Variants in C12orf42 observed in about 807,000 individuals in gnomAD.
C12orf42 encodes uncharacterized protein C12orf42.
A neutral mutation model predicts 21.6 loss-of-function variants in C12orf42; 25 were observed. That is an observed-to-expected ratio of 1.16 (90% confidence interval 0.84 to 1.62). The LOEUF (loss-of-function observed/expected upper bound fraction) is 1.62, where lower values mean the gene tolerates loss of function less well. Among genes scored for constraint, C12orf42 ranks in the 40% most tolerant of loss-of-function variants. The pLI, the probability that C12orf42 is intolerant of heterozygous loss-of-function variation, is 0.00. For missense variants in C12orf42, 483 were observed against 459.3 expected (o/e 1.05, Z -0.47); for synonymous variants, 174 against 175.0 (o/e 0.99, Z 0.05).
chr12:103,312,551 C>T (rs75666814), intron 4 of C12orf42, among the ~76,000 whole-genome samples: 9 of 152,160 alleles, frequency 5.9e-5, no homozygotes, highest in Non-Finnish European at 1.0e-4. Context: ...ATCTGCCTCT[C>T]GAGGACCAAC....
At chr12:103,507,236 TA>T in the C12orf42 span, among the ~76,000 whole-genome samples, 2 of 58,992 alleles carry the variant, frequency 3.4e-5, no homozygotes, top group Non-Finnish European at 5.2e-5. Context: ...TAAATATATA[TA>T]TATTATATAT....
In C12orf42 at chr12:103,275,539, G is replaced by T. The variant is rs185863748; in HGVS notation, n.398+1611C>A. On this transcript the variant is annotated intron_variant and non_coding_transcript_variant, in intron 5 of 6. Coordinates refer to the C12orf42 transcript ENST00000546526. ...AAGTAATCCTGACCTTAGATAAATT[G>T]CTCTATAACACAGAGAAATAAGAAA... is the stretch of plus-strand genomic sequence containing the variant. Among the ~76,000 whole-genome samples, 10 of 152,126 alleles carry T rather than the reference G, an allele frequency of 6.6e-5. No homozygotes were observed. The East Asian group carries it at 1.7e-3, about 27-fold the overall frequency.
the C12orf42 span, among the ~76,000 whole-genome samples, chr12:103,142,747 C>G: frequency 2.0e-5 from 3 of 152,144 alleles, no homozygotes; most frequent in Non-Finnish European, 4.4e-5. Flanking sequence ...CTATATGTCT[C>G]AAAGAGGGCT....
the C12orf42 span, among the ~76,000 whole-genome samples, chr12:103,073,233 C>A: frequency 5.9e-5 from 9 of 152,046 alleles, no homozygotes; most frequent in Non-Finnish European, 1.3e-4. Flanking sequence ...GGGTACTGGG[C>A]TTAATGCCTG....
At chr12:103,158,873 C>CAA in the C12orf42 span, among the ~76,000 whole-genome samples, 4,464 of 109,726 alleles carry the variant, frequency 0.041, 248 homozygotes, top group African/African-American at 0.13. Flanking sequence ...GAGCAAGACT[C>CAA]AAAAAAAAAA....
the C12orf42 span, among the ~76,000 whole-genome samples, chr12:103,207,454 G>T: frequency 6.6e-6 from 1 of 152,198 alleles, no homozygotes; most frequent in African/African-American, 2.4e-5. Flanking sequence ...ACACACGTGC[G>T]CGCGCACAGA....
the C12orf42 span, among the ~76,000 whole-genome samples, chr12:103,213,764 C>A: frequency 6.6e-6 from 1 of 152,206 alleles, no homozygotes; most frequent in Non-Finnish European, 1.5e-5. Context: ...CCGATTGCTG[C>A]AGTTCTACTG....
At chr12:103,388,362 G>C (rs1369874566) in intron 3 of C12orf42, among the ~76,000 whole-genome samples, 1 of 152,096 alleles carries the variant, frequency 6.6e-6, no homozygotes, top group Admixed American at 6.6e-5. Flanking sequence ...GGCTCCTATA[G>C]CATTCCTACA....
the C12orf42 span, among the ~76,000 whole-genome samples, chr12:103,542,054 T>A: frequency 6.6e-6 from 1 of 152,196 alleles, no homozygotes; most frequent in Non-Finnish European, 1.5e-5. Context: ...TAACAAAAAA[T>A]TGAGACAGGC....
At chr12:103,309,945 C>T (rs1052796235) in intron 4 of C12orf42, among the ~76,000 whole-genome samples, 1 of 152,154 alleles carries the variant, frequency 6.6e-6, no homozygotes, top group Non-Finnish European at 1.5e-5. Context: ...GTAGGGATAC[C>T]CTGGGGTGAT....
At chr12:103,506,015 G>C in the C12orf42 span, 1 of 207,336 alleles carries the variant, frequency 4.8e-6, no homozygotes, top group South Asian at 8.6e-5. Context: ...TTTGTACACA[G>C]TCTCCTTCTG....
intron 4 of C12orf42, among the ~76,000 whole-genome samples, chr12:103,354,970 A>C (rs1244049420): frequency 3.3e-5 from 5 of 152,164 alleles, no homozygotes; most frequent in Admixed American, 1.3e-4. Context: ...AATTACCCTG[A>C]TGTATCATTA....
the C12orf42 span, among the ~76,000 whole-genome samples, chr12:103,553,901 C>A: frequency 6.6e-6 from 1 of 152,190 alleles, no homozygotes; most frequent in African/African-American, 2.4e-5. Flanking sequence ...ACACCTTATC[C>A]ACTGCTCTTT....
chr12:103,490,831 A>G (rs935226379), intron 1 of C12orf42, among the ~76,000 whole-genome samples: 5 of 151,990 alleles, frequency 3.3e-5, no homozygotes, highest in African/African-American at 1.2e-4. Context: ...TAGAATTCCC[A>G]TATGATTATT....
At chr12:103,314,623 AT>A (rs1246252959) in intron 4 of C12orf42, among the ~76,000 whole-genome samples, 1 of 147,128 alleles carries the variant, frequency 6.8e-6, no homozygotes, top group Non-Finnish European at 1.5e-5. Context: ...TCCGTCATGG[AT>A]TTGACAGGAG....
At chr12:103,358,283 G>C (rs2043764961) in intron 4 of C12orf42, among the ~76,000 whole-genome samples, 1 of 152,092 alleles carries the variant, frequency 6.6e-6, no homozygotes, top group African/African-American at 2.4e-5. Context: ...ACATTCAAGA[G>C]ACCAATGAAT....
chr12:103,329,568 G>T (rs2041033431), intron 4 of C12orf42, among the ~76,000 whole-genome samples: 1 of 148,336 alleles, frequency 6.7e-6, no homozygotes, highest in Non-Finnish European at 1.5e-5. Flanking sequence ...ATTAAAAAAA[G>T]AATTAAAAAT....
At chr12:103,314,947 C>G (rs2039317193) in intron 4 of C12orf42, among the ~76,000 whole-genome samples, 1 of 152,108 alleles carries the variant, frequency 6.6e-6, no homozygotes, top group Non-Finnish European at 1.5e-5. Context: ...TGGATTACAA[C>G]TAAATATGTT....
chr12:103,418,009 C>CA (rs2049517974), intron 2 of C12orf42, among the ~76,000 whole-genome samples: 2 of 152,324 alleles, frequency 1.3e-5, no homozygotes. Flanking sequence ...TTCATAGAGA[C>CA]ATTTTTAAAA....
Sources: gnomAD v4.1 joint callset for allele counts (sites outside exome capture counted in the v4.1 genomes callset) on GRCh38, gnomAD v4.1.1 for gene constraint, MANE v1.5 for transcripts, NCBI Gene and HGNC (gene_info 2026-07-23, HGNC 2026-07-21) for gene names.